PCCB: variants seen among roughly 807,000 people sequenced by gnomAD.
PCCB encodes the protein propionyl-CoA carboxylase subunit beta, also known as propionyl-CoA carboxylase beta chain, mitochondrial.
Under a neutral mutation model 60.7 loss-of-function variants are expected in PCCB, and 43 were observed. The observed-to-expected ratio is 0.71, with a 90% CI of 0.55 to 0.91. PCCB has a LOEUF of 0.91. Among genes scored for constraint, PCCB ranks in the 40% least tolerant of loss-of-function variants. The pLI, the probability that PCCB is intolerant of heterozygous loss-of-function variation, is 0.00. For missense variants in PCCB, 766 were observed against 702.8 expected (o/e 1.09, Z -1.02); for synonymous variants, 276 against 255.9 (o/e 1.08, Z -0.75).
intron 9 of PCCB, 41 bp from the exon 10 acceptor site, chr3:136,316,900 T>G (rs752677038): frequency 4.8e-5 from 78 of 1,610,512 alleles, no homozygotes; most frequent in Non-Finnish European, 6.2e-5. Context: ...CTTATACTTG[T>G]CTTTACCATT....
chr3:136,312,696 A>T (rs1184071936), intron 9 of PCCB, among the ~76,000 whole-genome samples: 1 of 152,212 alleles, frequency 6.6e-6, no homozygotes, highest in Non-Finnish European at 1.5e-5. Context: ...CCTTAGGGGA[A>T]GGTTTAGAAA....
At chr3:136,275,053 C>A (rs1249795285) in intron 5 of PCCB, among the ~76,000 whole-genome samples, 2 of 152,112 alleles carry the variant, frequency 1.3e-5, no homozygotes. Context: ...CTCAAGCAGT[C>A]CACCTGCCTT....
chr3:136,307,392 G>A (rs1934480545), intron 9 of PCCB, among the ~76,000 whole-genome samples: 1 of 152,074 alleles, frequency 6.6e-6, no homozygotes, highest in Admixed American at 6.6e-5. Context: ...AGAAAAAAAT[G>A]CAACTGAAAA....
chr3:136,317,995 A>G (rs953317878), intron 10 of PCCB, among the ~76,000 whole-genome samples: 3 of 152,196 alleles, frequency 2.0e-5, no homozygotes, highest in African/African-American at 7.2e-5. Flanking sequence ...GTCTTTCTTC[A>G]TGACCTAACC....
At chr3:136,300,713 C>T (rs991457167) in intron 8 of PCCB, among the ~76,000 whole-genome samples, 1 of 152,142 alleles carries the variant, frequency 6.6e-6, no homozygotes, top group Non-Finnish European at 1.5e-5. Flanking sequence ...CTATAATGTC[C>T]TTCAGTGCCC....
At chr3:136,288,233 G>A (rs1439157661) in intron 6 of PCCB, among the ~76,000 whole-genome samples, 1 of 152,056 alleles carries the variant, frequency 6.6e-6, no homozygotes, top group Non-Finnish European at 1.5e-5. Flanking sequence ...TGAGAAGAAA[G>A]CGTATTTTGT....
Position 136,301,094 on chromosome 3 carries a change from G to A in PCCB, c.949G>A (p.Val317Met). 1 of 1,613,616 alleles carries A rather than the reference G, an allele frequency of 6.2e-7. No homozygotes were observed. The highest frequency in any genetic ancestry group is 8.5e-7 in the Non-Finnish European group (1 of 1,179,496). Residue 317 changes from valine (V) to methionine (M), a missense_variant, in exon 9 of 15, where the codon GTG becomes ATG. By Grantham distance (21) the Val-to-Met change is conservative. Coordinates refer to ENST00000251654, the MANE Select transcript of PCCB (RefSeq NM_000532.5). ...GGAATCAACCAAAGCCTACAACATGGTGGACATCATACACTCTGTAAGTGC... is the reference window on the plus strand; with the variant it reads ...GGAATCAACCAAAGCCTACAACATGATGGACATCATACACTCTGTAAGTGC... ...PLESTKAYNMVDIIHSVVDER... is the reference protein window; with the variant it reads ...PLESTKAYNMMDIIHSVVDER...
In PCCB at chr3:136,304,166, T is replaced by C. The variant is rs1176676900; in HGVS notation, c.966+3055T>C. On this transcript the variant is annotated intron_variant, in intron 9 of 14. Transcript: ENST00000251654. Reference sequence around the variant, plus strand: ...TCTCTTCGTCTTTTTTTTTTTTTTTTCCCTCAGAGACAGGGTCTTGCTTTG... The same window carrying C: ...TCTCTTCGTCTTTTTTTTTTTTTTTCCCCTCAGAGACAGGGTCTTGCTTTG... 3.5e-5 allele frequency among the ~76,000 whole-genome samples: 4 copies of C among 112,948 alleles called. 1 individual carries two copies. Among genetic ancestry groups the C allele is most frequent in the East Asian group, 1.5e-3 (2 of 1,298 alleles). The allele number at this position is 112,948 out of a possible 152,430, so 74.1% of individuals were successfully genotyped here. A position where few individuals can be genotyped will look rare whatever the true frequency, so the allele number is the denominator to read the frequency against.
At chr3:136,252,096 G>A (rs1030179711) in intron 1 of PCCB, among the ~76,000 whole-genome samples, 1 of 151,642 alleles carries the variant, frequency 6.6e-6, no homozygotes, top group Non-Finnish European at 1.5e-5. Flanking sequence ...TGGCCAGGCC[G>A]GTCTTGTACG....
chr3:136,303,882 G>T (rs1259109214), intron 9 of PCCB, among the ~76,000 whole-genome samples: 1 of 122,804 alleles, frequency 8.1e-6, no homozygotes, highest in African/African-American at 2.5e-5. Context: ...GGGATTACAG[G>T]TGTGAGCCAC....
chr3:136,254,260 C>G (rs1488698017), intron 1 of PCCB, among the ~76,000 whole-genome samples: 1 of 151,784 alleles, frequency 6.6e-6, no homozygotes, highest in Non-Finnish European at 1.5e-5. Flanking sequence ...ACCCTGTCAC[C>G]CAGGCTGGAG....
chr3:136,250,795 C>T (rs980431638), intron 1 of PCCB, among the ~76,000 whole-genome samples: 3 of 152,194 alleles, frequency 2.0e-5, no homozygotes, highest in African/African-American at 7.2e-5. Flanking sequence ...GGATCTGGCT[C>T]GTCTCTAGCC....
intron 9 of PCCB, among the ~76,000 whole-genome samples, chr3:136,313,097 T>C (rs1273359520): frequency 2.6e-5 from 4 of 152,148 alleles, no homozygotes; most frequent in African/African-American, 9.7e-5. Flanking sequence ...ACACTTTCCA[T>C]TGGAAAGTCA....
rs529298623 is a variant in PCCB, at chr3:136,301,027, A to C, written c.885-3A>C. 1 of 1,613,820 alleles carries C rather than the reference A, an allele frequency of 6.2e-7. No homozygotes were observed. The stretch of plus-strand genomic sequence containing the variant: ...ACTATACCTGCCTTTTTTCTGCCTA[A>C]AGTGACCGTCTGGTTCCTGAGCTTG... On this transcript the variant is annotated splice_polypyrimidine_tract_variant and splice_region_variant and intron_variant, in intron 8 of 14. Coordinates refer to ENST00000251654, the MANE Select transcript of PCCB (RefSeq NM_000532.5).
rs141906146 is a variant in PCCB, at chr3:136,286,338, A to G, written c.654+2391A>G. On this transcript the variant is annotated intron_variant, in intron 6 of 14. Coordinates refer to ENST00000251654, the MANE Select transcript of PCCB (RefSeq NM_000532.5). ...TCACTCCAGTCTCATGACTTTAAAT[A>G]CTGATCCGTATGCTGACAACTCTGA... Among the ~76,000 whole-genome samples the G allele has an allele frequency of 1.5e-3, 231 of 152,328 alleles. 2 individuals carry two copies. Among genetic ancestry groups the G allele is most frequent in the African/African-American group, 5.2e-3 (215 of 41,572 alleles).
intron 9 of PCCB, among the ~76,000 whole-genome samples, chr3:136,312,323 C>T (rs935110024): frequency 3.3e-5 from 5 of 152,198 alleles, no homozygotes; most frequent in Admixed American, 3.3e-4. Flanking sequence ...TAGCACGTTA[C>T]TGTACCAAAC....
chr3:136,274,511 C>T (rs1057068812), intron 5 of PCCB, among the ~76,000 whole-genome samples: 2 of 152,142 alleles, frequency 1.3e-5, no homozygotes, highest in African/African-American at 4.8e-5. Flanking sequence ...GATTGGTTTT[C>T]CTTTATAGGT....
intron 9 of PCCB, among the ~76,000 whole-genome samples, chr3:136,308,767 G>A (rs1362603911): frequency 6.6e-6 from 1 of 152,064 alleles, no homozygotes; most frequent in Non-Finnish European, 1.5e-5. Context: ...AGAAACTTTT[G>A]TAGCAACTAA....
rs778676531 is a variant in PCCB, at chr3:136,328,820, C to T, written c.1461C>T (p.Ile487=). The T allele has an allele frequency of 1.1e-5, 17 of 1,614,030 alleles. No individual in the cohort carries two copies. Among genetic ancestry groups the T allele is most frequent in the Non-Finnish European group, 1.4e-5 (16 of 1,179,990 alleles). ...TGGAAGCTGCTCAGGCAGAGTACAT[C>T]GAGAAGTTTGCCAACCCTTTCCCTG... The part of the protein sequence containing the change: ...ENVEAAQAEY[I]EKFANPFPAA... Residue 487 remains isoleucine (I), a synonymous_variant, in exon 14 of 15, where the codon ATC becomes ATT. Transcript: ENST00000251654.
Sources: allele counts gnomAD v4.1 joint callset (sites outside exome capture counted in the v4.1 genomes callset), GRCh38; gene constraint gnomAD v4.1.1; transcripts MANE v1.5; gene names NCBI Gene and HGNC (gene_info 2026-07-23, HGNC 2026-07-21).